CPEB3: variants seen among roughly 807,000 people sequenced by gnomAD.
CPEB3 encodes cytoplasmic polyadenylation element-binding protein 3.
Under a neutral mutation model 67.2 loss-of-function variants are expected in CPEB3, and 20 were observed. That is an observed-to-expected ratio of 0.30 (90% CI 0.21 to 0.43). The LOEUF (loss-of-function observed/expected upper bound fraction) is 0.43. Ranked by LOEUF, CPEB3 falls within the 20% of genes least tolerant of loss-of-function variation. The pLI is 1.00. For missense variants in CPEB3, 746 were observed against 968.6 expected, an observed-to-expected ratio of 0.77 and a Z score of 3.05; for synonymous variants, 376 against 393.1, an observed-to-expected ratio of 0.96 and a Z score of 0.51.
intron 7 of CPEB3, among the ~76,000 whole-genome samples, chr10:92,094,011 C>A (rs1026426495): frequency 6.6e-6 from 1 of 151,952 alleles, no homozygotes. Flanking sequence ...CCTGCCACCA[C>A]ACCTGGGTAA....
chr10:92,193,714 C>T (rs1386428809), intron 2 of CPEB3, among the ~76,000 whole-genome samples: 1 of 151,980 alleles, frequency 6.6e-6, no homozygotes, highest in Non-Finnish European at 1.5e-5. Context: ...CAGTTAAGAA[C>T]TCAAACGGAA....
At chr10:92,211,965 C>T (rs1215018623) in intron 2 of CPEB3, among the ~76,000 whole-genome samples, 1 of 151,690 alleles carries the variant, frequency 6.6e-6, no homozygotes, top group African/African-American at 2.4e-5. Context: ...CTCCAGGGTT[C>T]AAGCAATTCT....
At position 92,239,705 on chromosome 10, in the gene CPEB3, T is replaced by A; in HGVS notation, c.646A>T (p.Met216Leu). Reference protein sequence around the residue: ...AAAAYGHQPIMTSKPSSSSAV... With the variant: ...AAAAYGHQPILTSKPSSSSAV... The stretch of plus-strand genomic sequence containing the variant: ...GAAGACGAGGACGGCTTGCTGGTCA[T>A]GATGGGCTGGTGGCCGTACGCCGCG... Residue 216 changes from methionine (M) to leucine (L), a missense_variant, in exon 2 of 10, where the codon ATG (methionine) becomes TTG (leucine). Met to Leu is a conservative substitution (Grantham distance 15). This residue lies in a region of CPEB3 where 643 missense variants were observed against 717.5 expected (regional missense o/e 0.90). Coordinates refer to ENST00000265997, the MANE Select transcript of CPEB3 (RefSeq NM_014912.5). This position sits in a 1 kb window ranked among gnomAD's most constrained non-coding sequence, Gnocchi z 6.0. 1 of 1,567,822 alleles carries A rather than the reference T, an allele frequency of 6.4e-7. No homozygotes were observed. The highest frequency in any genetic ancestry group is 8.6e-7 in the Non-Finnish European group (1 of 1,160,664).
intron 2 of CPEB3, among the ~76,000 whole-genome samples, chr10:92,194,933 A>G (rs1282438214): frequency 6.6e-6 from 1 of 151,956 alleles, no homozygotes; most frequent in Non-Finnish European, 1.5e-5. Context: ...AGTCCCAACT[A>G]CTAGGGAGGC....
At chr10:92,069,076 T>C (rs1842658069) in intron 9 of CPEB3, among the ~76,000 whole-genome samples, 1 of 152,190 alleles carries the variant, frequency 6.6e-6, no homozygotes, top group African/African-American at 2.4e-5. Flanking sequence ...GAACAGGTCA[T>C]CTCATCCTTA....
chr10:92,192,736 G>A (rs571847227), intron 2 of CPEB3, 100 bp from the exon 3 acceptor site: 1 of 816,854 alleles, frequency 1.2e-6, no homozygotes, highest in South Asian at 2.5e-5. Context: ...ATGAATGAAA[G>A]TTACAGAGAG....
intron 1 of CPEB3, among the ~76,000 whole-genome samples, chr10:92,262,463 G>C (rs1590566952): frequency 6.6e-6 from 1 of 152,268 alleles, no homozygotes; most frequent in South Asian, 2.1e-4. Flanking sequence ...TTTCACAGAT[G>C]AGGACTCTGA....
chr10:92,172,731 T>C (rs1295635434), intron 4 of CPEB3, among the ~76,000 whole-genome samples: 1 of 152,202 alleles, frequency 6.6e-6, no homozygotes, highest in African/African-American at 2.4e-5. Flanking sequence ...CACACTACTC[T>C]ATCATATGGC....
intron 8 of CPEB3, among the ~76,000 whole-genome samples, chr10:92,085,000 C>T (rs1843314811): frequency 6.6e-6 from 1 of 152,186 alleles, no homozygotes; most frequent in Admixed American, 6.5e-5. Context: ...CTTCATTCAG[C>T]ATACTTTATT....
intron 1 of CPEB3, among the ~76,000 whole-genome samples, chr10:92,241,289 C>T (rs1043649093): frequency 7.3e-6 from 1 of 136,460 alleles, no homozygotes; most frequent in Non-Finnish European, 1.5e-5. Flanking sequence ...AGAGAGTGCG[C>T]GCGAGCGAGC....
chr10:92,230,989 AC>A (rs1316756405), intron 2 of CPEB3, among the ~76,000 whole-genome samples: 1 of 152,214 alleles, frequency 6.6e-6, no homozygotes, highest in African/African-American at 2.4e-5. Flanking sequence ...TATCTCCAGA[AC>A]CAACAAAATC....
At chr10:92,123,946 C>A (rs899913975) in intron 6 of CPEB3, among the ~76,000 whole-genome samples, 13 of 152,162 alleles carry the variant, frequency 8.5e-5, no homozygotes, top group Non-Finnish European at 7.3e-5. Context: ...TTAACATATC[C>A]TCTGTTGGTC....
chr10:92,226,456 C>G (rs548665625), intron 2 of CPEB3, among the ~76,000 whole-genome samples: 3 of 152,322 alleles, frequency 2.0e-5, no homozygotes, highest in South Asian at 2.1e-4. Context: ...TTTAATTACT[C>G]ACACTGGTAG....
chr10:92,280,980 G>A (rs1367786663), intron 1 of CPEB3, among the ~76,000 whole-genome samples: 1 of 150,750 alleles, frequency 6.6e-6, no homozygotes, highest in Non-Finnish European at 1.5e-5. Flanking sequence ...GACTGGTCTC[G>A]AACTCCTGAT....
intron 2 of CPEB3, among the ~76,000 whole-genome samples, chr10:92,232,650 C>T (rs927809275): frequency 6.6e-6 from 1 of 151,294 alleles, no homozygotes; most frequent in Non-Finnish European, 1.5e-5. Context: ...CCCAGCTACT[C>T]GGGAAGCTGA....
chr10:92,052,316 A>G lies in CPEB3; in HGVS notation c.1993T>C (p.Tyr665His), dbSNP rs1348683522. 2 of 1,614,228 alleles carry G rather than the reference A, an allele frequency of 1.2e-6. No individual in the cohort carries two copies. Among genetic ancestry groups the G allele is most frequent in the Non-Finnish European group, 1.7e-6 (2 of 1,180,044 alleles). The part of the protein sequence containing the change: ...NVTCLQYYCE[Y>H]CWASIHSRAG... ...CGGGAATGTATGCTCGCCCAGCAGT[A>G]TTCACAGTAATACTGCAGACAGGTG... The change falls in exon 10 of 10, where the codon TAC becomes CAC. Residue 665 changes from tyrosine to histidine, a missense_variant. Tyr to His is a moderately conservative substitution (Grantham distance 83). Coordinates refer to ENST00000265997, the MANE Select transcript of CPEB3 (RefSeq NM_014912.5).
chr10:92,201,629 T>C (rs1177292255), intron 2 of CPEB3, among the ~76,000 whole-genome samples: 1 of 152,230 alleles, frequency 6.6e-6, no homozygotes, highest in Non-Finnish European at 1.5e-5. Flanking sequence ...GATTAGTTGA[T>C]GTCACCCCAA....
chr10:92,266,988 T>C lies in CPEB3; in HGVS notation c.-12+23938A>G, dbSNP rs140520350. The stretch of plus-strand genomic sequence containing the variant: ...GGCGGAGGTTGCAGTGAGCCAAGAT[T>C]GCGCCATCACACTCCAGCCTGGGGG... On this transcript the variant is annotated intron_variant, in intron 1 of 9. Transcript: ENST00000265997. Among the ~76,000 whole-genome samples, 47 of 151,872 alleles carry C rather than the reference T, an allele frequency of 3.1e-4. 1 individual carries two copies. In the East Asian group the frequency reaches 8.9e-3, roughly 29 times the overall value.
At chr10:92,273,506 G>A (rs1231418749) in intron 1 of CPEB3, among the ~76,000 whole-genome samples, 1 of 152,066 alleles carries the variant, frequency 6.6e-6, no homozygotes, top group Non-Finnish European at 1.5e-5. Flanking sequence ...CTTAAGTAGA[G>A]GAAGACTACT....
Sources: gnomAD v4.1 joint callset for allele counts (sites outside exome capture counted in the v4.1 genomes callset) on GRCh38, gnomAD v4.1.1 for gene constraint, gnomAD v4.1.1 regional missense constraint, Gnocchi (gnomAD v3.1) non-coding constraint, MANE v1.5 for transcripts, NCBI Gene and HGNC (gene_info 2026-07-23, HGNC 2026-07-21) for gene names.